Variants in PCDHGA1 observed in about 807,000 individuals in gnomAD.
PCDHGA1 encodes protocadherin gamma subfamily A, 1.
PCDHGA1 carries 32 observed loss-of-function variants against 58.0 expected under a neutral mutation model. That is an observed-to-expected ratio of 0.55 (90% CI 0.42 to 0.74). The LOEUF (loss-of-function observed/expected upper bound fraction) is 0.74, where lower values mean the gene tolerates loss of function less well. PCDHGA1 is among the 30% of genes least tolerant of loss of function. The pLI, the probability that PCDHGA1 is intolerant of heterozygous loss-of-function variation, is 0.00. For missense variants in PCDHGA1, 1,205 were observed against 1,182.3 expected, an observed-to-expected ratio of 1.02 and a Z score of -0.28; for synonymous variants, 498 against 501.1, an observed-to-expected ratio of 0.99 and a Z score of 0.08.
intron 1 of PCDHGA1, chr5:141,393,489 G>C: frequency 6.2e-7 from 1 of 1,614,062 alleles, no homozygotes; most frequent in Non-Finnish European, 8.5e-7. Flanking sequence ...CTCTAGCACA[G>C]TGCGCATCCA....
rs982627903 is a variant in PCDHGA1, at chr5:141,421,421, T to C, written c.2422-73386T>C. ...CCCCGGGAGCTGGCGAAGCGCGGAGTCCGCATCGTCTCCAGAGGGAAGACA... is the reference window on the plus strand; with the variant it reads ...CCCCGGGAGCTGGCGAAGCGCGGAGCCCGCATCGTCTCCAGAGGGAAGACA... On this transcript the variant is annotated intron_variant, in intron 1 of 3. Coordinates refer to ENST00000517417, the MANE Select transcript of PCDHGA1 (RefSeq NM_018912.3). The C allele has an allele frequency of 6.2e-7, 1 of 1,613,994 alleles. No individual in the cohort carries two copies. The highest frequency in any genetic ancestry group is 1.3e-5 in the African/African-American group (1 of 75,052).
intron 1 of PCDHGA1, chr5:141,403,461 A>G (rs2094410364): frequency 6.2e-7 from 1 of 1,614,010 alleles, no homozygotes; most frequent in Non-Finnish European, 8.5e-7. Context: ...CTCCAGAGCT[A>G]CCAGCTCAGC....
At chr5:141,375,231 C>T in intron 1 of PCDHGA1, 1 of 1,613,964 alleles carries the variant, frequency 6.2e-7, no homozygotes, top group East Asian at 2.2e-5. Flanking sequence ...GGCCTGGTAA[C>T]CTGTTCCATC....
chr5:141,375,886 C>G lies in PCDHGA1; in HGVS notation c.2421+42781C>G, dbSNP rs1772014955. The G allele has an allele frequency of 1.2e-6, 2 of 1,613,822 alleles. No homozygotes were observed. Among genetic ancestry groups the G allele is most frequent in the Non-Finnish European group, 8.5e-7 (1 of 1,180,024 alleles). On this transcript the variant is annotated intron_variant, in intron 1 of 3. Coordinates refer to ENST00000517417, the MANE Select transcript of PCDHGA1 (RefSeq NM_018912.3). ...CGGTGGACAGAGACTCGGGCCAGAACGCCTGGCTGTCCTACCGCCTGCTCA... is the reference window on the plus strand; with the variant it reads ...CGGTGGACAGAGACTCGGGCCAGAAGGCCTGGCTGTCCTACCGCCTGCTCA...
chr5:141,456,042 C>T (rs1437027249), intron 1 of PCDHGA1, among the ~76,000 whole-genome samples: 3 of 151,886 alleles, frequency 2.0e-5, no homozygotes, highest in Non-Finnish European at 2.9e-5. Flanking sequence ...GGACTACAGG[C>T]GCCCACCACC....
chr5:141,345,892 G>C (rs754807832), intron 1 of PCDHGA1: 5 of 1,612,356 alleles, frequency 3.1e-6, no homozygotes, highest in Non-Finnish European at 4.2e-6. Context: ...TTCTCGGTGG[G>C]TCTGCACACG....
rs756742340 is a variant in PCDHGA1, at chr5:141,366,531, G to A, written c.2421+33426G>A. 11 of 1,614,152 alleles carry A rather than the reference G, an allele frequency of 6.8e-6. No individual in the cohort carries two copies. The Admixed American group carries it at 1.5e-4, about 22-fold the overall frequency. On this transcript the variant is annotated intron_variant, in intron 1 of 3. Coordinates refer to ENST00000517417, the MANE Select transcript of PCDHGA1 (RefSeq NM_018912.3). The stretch of plus-strand genomic sequence containing the variant: ...CAGGCTGAAGGCAGCAGGTTGGCGG[G>A]TGTGCCCGCCTCGCACTTTGTGGGC...
chr5:141,369,441 A>T (rs1766249196), intron 1 of PCDHGA1, among the ~76,000 whole-genome samples: 1 of 152,152 alleles, frequency 6.6e-6, no homozygotes, highest in African/African-American at 2.4e-5. Flanking sequence ...CTGAGGTGGG[A>T]GGATTGCTTA....
chr5:141,384,791 C>A (rs773450358), intron 1 of PCDHGA1: 22 of 1,613,424 alleles, frequency 1.4e-5, no homozygotes, highest in Non-Finnish European at 1.9e-5. Flanking sequence ...ACGGCTCGGG[C>A]CCTGCTGGAC....
rs2099643895 is a variant in PCDHGA1 at position 141,487,385 on chromosome 5, C to T, written c.2422-7422C>T. 1.9e-6 allele frequency: 3 copies of T among 1,614,160 alleles called. No homozygotes were observed. The highest frequency in any genetic ancestry group is 1.1e-5 in the South Asian group (1 of 91,086). On this transcript the variant is annotated intron_variant, in intron 1 of 3. Transcript: ENST00000517417. This position sits in a 1 kb window ranked among gnomAD's most constrained non-coding sequence, Gnocchi z 5.0. Reference sequence around the variant, plus strand: ...CACCTGTGCCTGTCTCACCAGATCTCGAAGGAGGGAGGGGCTTCCCCCTTC... The same window carrying T: ...CACCTGTGCCTGTCTCACCAGATCTTGAAGGAGGGAGGGGCTTCCCCCTTC...
At chr5:141,418,604 G>A in intron 1 of PCDHGA1, 2 of 1,614,040 alleles carry the variant, frequency 1.2e-6, no homozygotes, top group Non-Finnish European at 1.7e-6. Context: ...CGTGTACAGG[G>A]TTAGCCTTCG....
chr5:141,391,109 T>C (rs1414344509), intron 1 of PCDHGA1: 1 of 152,098 alleles, frequency 6.6e-6, no homozygotes, highest in Non-Finnish European at 1.5e-5. Context: ...TAAACTAATA[T>C]AGCTAGAGGT....
At chr5:141,351,310 C>G (rs775069628) in intron 1 of PCDHGA1, 2 of 1,613,816 alleles carry the variant, frequency 1.2e-6, no homozygotes, top group South Asian at 2.2e-5. Flanking sequence ...CCTTCTCTAA[C>G]CAGATTCCAG....
At chr5:141,335,641 T>C (rs1170027857) in intron 1 of PCDHGA1, among the ~76,000 whole-genome samples, 1 of 152,188 alleles carries the variant, frequency 6.6e-6, no homozygotes, top group African/African-American at 2.4e-5. Context: ...AGGATTCTAA[T>C]AGATCCGTTC....
chr5:141,500,445 G>A (rs1319009998), intron 2 of PCDHGA1, among the ~76,000 whole-genome samples: 1 of 151,816 alleles, frequency 6.6e-6, no homozygotes, highest in Non-Finnish European at 1.5e-5. Flanking sequence ...TCCTGACCTC[G>A]TGATCCGCCC....
chr5:141,373,134 C>T (rs1335813862), intron 1 of PCDHGA1, among the ~76,000 whole-genome samples: 4 of 152,200 alleles, frequency 2.6e-5, no homozygotes, highest in Non-Finnish European at 5.9e-5. Flanking sequence ...CAAATCCTCA[C>T]AATTAAGTGG....
chr5:141,501,335 C>CA (rs2099808433), intron 2 of PCDHGA1, among the ~76,000 whole-genome samples: 1 of 135,634 alleles, frequency 7.4e-6, no homozygotes, highest in Non-Finnish European at 1.6e-5. Context: ...ACACACACAC[C>CA]CCAAACTCAA....
chr5:141,336,089 G>C (rs1398279854), intron 1 of PCDHGA1, among the ~76,000 whole-genome samples: 1 of 152,078 alleles, frequency 6.6e-6, no homozygotes, highest in Admixed American at 6.6e-5. Flanking sequence ...TAAAATGATG[G>C]AAAAAATAAC....
At chr5:141,346,636 T>C (rs1757784214) in intron 1 of PCDHGA1, 1 of 926,060 alleles carries the variant, frequency 1.1e-6, no homozygotes, top group East Asian at 2.7e-5. Flanking sequence ...GGTCTGGTTA[T>C]GGTTGAGTGG....
Sources: allele counts gnomAD v4.1 joint callset (sites outside exome capture counted in the v4.1 genomes callset), GRCh38; gene constraint gnomAD v4.1.1; non-coding constraint Gnocchi (gnomAD v3.1); transcripts MANE v1.5; gene names NCBI Gene and HGNC (gene_info 2026-07-23, HGNC 2026-07-21).